Variants in EBF1 observed in about 807,000 individuals in gnomAD.
EBF1 encodes the protein transcription factor COE1.
In EBF1, 10 loss-of-function variants were observed where a neutral mutation model predicts 68.4. The observed-to-expected ratio is 0.15, with a 90% CI of 0.09 to 0.25. The LOEUF (loss-of-function observed/expected upper bound fraction) is 0.25, where lower values mean the gene tolerates loss of function less well. Ranked by LOEUF, EBF1 falls within the 10% of genes least tolerant of loss-of-function variation. The probability of loss-of-function intolerance (pLI) is 1.00; values close to 1 mark genes in which losing one functional copy is unlikely to be tolerated. For synonymous variants in EBF1, 298 were observed against 299.8 expected (o/e 0.99, Z 0.06); for missense variants, 509 against 794.4 (o/e 0.64, Z 4.32).
At chr5:159,053,603 TCTCACACA>T (rs1414048232) in intron 6 of EBF1, among the ~76,000 whole-genome samples, 2 of 145,252 alleles carry the variant, frequency 1.4e-5, no homozygotes, top group Non-Finnish European at 3.0e-5. Flanking sequence ...TCTCTCTCTC[TCTCACACA>T]CACACACACA....
At chr5:158,963,577 A>G (rs781293205) in intron 6 of EBF1, among the ~76,000 whole-genome samples, 2 of 152,184 alleles carry the variant, frequency 1.3e-5, no homozygotes, top group African/African-American at 4.8e-5. Context: ...TAGAATCACA[A>G]ATAGAACGAC....
At chr5:159,080,212 C>T (rs1460534500) in intron 5 of EBF1, among the ~76,000 whole-genome samples, 1 of 152,144 alleles carries the variant, frequency 6.6e-6, no homozygotes, top group African/African-American at 2.4e-5. Flanking sequence ...ACAGACGTGC[C>T]CAAACACTTC....
intron 5 of EBF1, among the ~76,000 whole-genome samples, chr5:159,075,169 A>G (rs1778525003): frequency 1.3e-5 from 2 of 152,182 alleles, no homozygotes; most frequent in Admixed American, 6.5e-5. Flanking sequence ...GAGCAATTGC[A>G]GTATCTACCT....
intron 6 of EBF1, among the ~76,000 whole-genome samples, chr5:159,043,016 A>G (rs1771563499): frequency 6.6e-6 from 1 of 152,240 alleles, no homozygotes; most frequent in Admixed American, 6.5e-5. Context: ...AGGTGAAATA[A>G]TAATAGTAGC....
intron 8 of EBF1, among the ~76,000 whole-genome samples, chr5:158,819,935 CTT>C (rs1264382263): frequency 6.6e-6 from 1 of 152,090 alleles, no homozygotes; most frequent in African/African-American, 2.4e-5. Context: ...ATAAATTTGC[CTT>C]TGTCAACTCT....
intron 6 of EBF1, among the ~76,000 whole-genome samples, chr5:158,889,036 G>C (rs1800625724): frequency 6.6e-6 from 1 of 152,068 alleles, no homozygotes. Flanking sequence ...GATTACTTTA[G>C]GGTTTTTTCC....
rs1272392235 is a variant in EBF1 at position 158,916,349 on chromosome 5, CAG to C, written c.555-76241_555-76240del. ...ACAATGGGCACTTCTGGGAAAATGG[CAG>C]AGTCTTAGCAATCTCCTTTCCATCT... On this transcript the variant is annotated intron_variant, in intron 6 of 15. Transcript: ENST00000313708. Among the ~76,000 whole-genome samples, 4 of 152,160 alleles carry C rather than the reference CAG, an allele frequency of 2.6e-5. No homozygotes were observed. In the East Asian group the frequency reaches 5.8e-4, roughly 22 times the overall value.
intron 10 of EBF1, among the ~76,000 whole-genome samples, chr5:158,733,820 T>C (rs777404354): frequency 6.6e-6 from 1 of 152,190 alleles, no homozygotes; most frequent in Non-Finnish European, 1.5e-5. Context: ...ACATTAAAGA[T>C]GCTAGACAAA....
At chr5:159,049,417 T>C (rs78087274) in intron 6 of EBF1, among the ~76,000 whole-genome samples, 3,220 of 152,086 alleles carry the variant, frequency 0.021, 55 homozygotes, top group Admixed American at 0.042. Flanking sequence ...AGAAGTAGGA[T>C]GGTGGAGGGA....
chr5:158,909,345 G>A (rs556895560), intron 6 of EBF1, among the ~76,000 whole-genome samples: 47 of 152,006 alleles, frequency 3.1e-4, no homozygotes, highest in Non-Finnish European at 5.6e-4. Flanking sequence ...GGTTTGGTTT[G>A]GTTTGGTTTA....
chr5:158,822,930 G>T (rs1264542271), intron 8 of EBF1, among the ~76,000 whole-genome samples: 1 of 152,118 alleles, frequency 6.6e-6, no homozygotes, highest in East Asian at 1.9e-4. Flanking sequence ...AACCTGAAAG[G>T]AGGCAATATC....
chr5:158,835,829 C>T (rs958996369), intron 7 of EBF1, among the ~76,000 whole-genome samples: 1 of 152,210 alleles, frequency 6.6e-6, no homozygotes, highest in African/African-American at 2.4e-5. Flanking sequence ...GAATAATCCA[C>T]ATTTCCATAT....
chr5:158,853,539 A>G (rs1166257725), intron 6 of EBF1, among the ~76,000 whole-genome samples: 1 of 152,228 alleles, frequency 6.6e-6, no homozygotes, highest in Non-Finnish European at 1.5e-5. Flanking sequence ...AGATCACTGG[A>G]AAAGTGAGCT....
intron 7 of EBF1, among the ~76,000 whole-genome samples, chr5:158,825,120 A>G (rs1785768217): frequency 6.6e-6 from 1 of 152,162 alleles, no homozygotes. Flanking sequence ...TTTATTCATG[A>G]TTGACCAACC....
chr5:158,821,595 CACTCT>C (rs1784827182), intron 8 of EBF1, among the ~76,000 whole-genome samples: 1 of 152,212 alleles, frequency 6.6e-6, no homozygotes, highest in Non-Finnish European at 1.5e-5. Context: ...CCTTAAGCAG[CACTCT>C]CCAAATCATG....
At chr5:158,710,306 C>A (rs373593331) in intron 14 of EBF1, among the ~76,000 whole-genome samples, 1 of 152,144 alleles carries the variant, frequency 6.6e-6, no homozygotes, top group South Asian at 2.1e-4. Context: ...CAGGCTGAAG[C>A]GGCTGAGTGT....
chr5:159,070,087 T>C (rs576644801), intron 6 of EBF1, among the ~76,000 whole-genome samples: 1 of 152,272 alleles, frequency 6.6e-6, no homozygotes, highest in South Asian at 2.1e-4. Context: ...TCAAAAATAA[T>C]GAAATCTGCT....
chr5:158,800,132 C>T (rs764586517), intron 8 of EBF1, among the ~76,000 whole-genome samples: 13 of 151,948 alleles, frequency 8.6e-5, no homozygotes, highest in South Asian at 2.1e-4. Context: ...TATATTCACA[C>T]GATAGAATAC....
chr5:159,014,603 C>T (rs1221341761), intron 6 of EBF1, among the ~76,000 whole-genome samples: 1 of 152,110 alleles, frequency 6.6e-6, no homozygotes, highest in African/African-American at 2.4e-5. Flanking sequence ...TATTGCTGAC[C>T]CCAAATATCT....
Sources: allele counts gnomAD v4.1 joint callset (sites outside exome capture counted in the v4.1 genomes callset), GRCh38; gene constraint gnomAD v4.1.1; transcripts MANE v1.5; gene names NCBI Gene and HGNC (gene_info 2026-07-23, HGNC 2026-07-21).